Variants in SLC37A1 observed in about 807,000 individuals in gnomAD.
SLC37A1 encodes the protein glucose-6-phosphate exchanger SLC37A1.
SLC37A1 carries 49 observed loss-of-function variants against 75.3 expected under a neutral mutation model. That is an observed-to-expected ratio of 0.65 (90% CI 0.52 to 0.83). The LOEUF is 0.83. Among genes scored for constraint, SLC37A1 ranks in the 40% least tolerant of loss-of-function variants. The pLI is 0.00. For missense variants in SLC37A1, 566 were observed against 695.0 expected, an observed-to-expected ratio of 0.81 and a Z score of 2.09; for synonymous variants, 268 against 292.1, an observed-to-expected ratio of 0.92 and a Z score of 0.84.
rs2146936525 is a variant in SLC37A1 at position 42,552,422 on chromosome 21, T to C, written c.769-1640T>C. On this transcript the variant is annotated intron_variant, in intron 9 of 19. Coordinates refer to ENST00000352133, the MANE Select transcript of SLC37A1 (RefSeq NM_001320537.2). This position sits in a 1 kb window ranked among gnomAD's most constrained non-coding sequence, Gnocchi z 4.2. ...TCTGGAGAGAGCCAGCCCAGGATGATGTGGGGTGTGCGTGTTGAGTGTCAG... is the reference window on the plus strand; with the variant it reads ...TCTGGAGAGAGCCAGCCCAGGATGACGTGGGGTGTGCGTGTTGAGTGTCAG... Among the ~76,000 whole-genome samples the C allele has an allele frequency of 6.6e-6, 1 of 152,322 alleles. No individual in the cohort carries two copies. The highest frequency in any genetic ancestry group is 1.9e-4 in the East Asian group (1 of 5,192).
intron 17 of SLC37A1, among the ~76,000 whole-genome samples, chr21:42,574,234 C>T (rs567958734): frequency 6.6e-6 from 1 of 152,318 alleles, no homozygotes; most frequent in Admixed American, 6.5e-5. Flanking sequence ...AATTCTTATT[C>T]AAATTTTACC....
chr21:42,565,792 G>A (rs565399635), intron 14 of SLC37A1, 35 bp from the exon 15 acceptor site: 4 of 1,603,694 alleles, frequency 2.5e-6, no homozygotes, highest in South Asian at 1.1e-5. Flanking sequence ...CTTGCAGCCA[G>A]CCATGGCTTT....
intron 3 of SLC37A1, among the ~76,000 whole-genome samples, chr21:42,527,738 C>T (rs1227565749): frequency 1.3e-5 from 2 of 152,190 alleles, no homozygotes; most frequent in Non-Finnish European, 2.9e-5. Context: ...TACCTGAGTA[C>T]AGTCCCAGCA....
chr21:42,523,075 G>T (rs1174690637), intron 2 of SLC37A1, among the ~76,000 whole-genome samples: 2 of 152,242 alleles, frequency 1.3e-5, no homozygotes, highest in Admixed American at 1.3e-4. Context: ...GGGCTGTCTG[G>T]GTGGAGAGTG....
chr21:42,513,364 C>A (rs1247395564), upstream of SLC37A1, among the ~76,000 whole-genome samples: 6 of 152,246 alleles, frequency 3.9e-5, no homozygotes, highest in Admixed American at 1.3e-4. Context: ...ATAGCCAAAT[C>A]CGCGTGCCGC....
chr21:42,548,937 GAA>G lies in SLC37A1; in HGVS notation c.768+1798_768+1799del, dbSNP rs749480505. ...CTCCTGGGTGTGATTCATATGGAAAGAAGGGTTCTGATACTTGATGACAAAAA... is the reference window on the plus strand; with the variant it reads ...CTCCTGGGTGTGATTCATATGGAAAGGGGTTCTGATACTTGATGACAAAAA... On this transcript the variant is annotated intron_variant, in intron 9 of 19. Transcript: ENST00000352133. This position sits in a 1 kb window ranked among gnomAD's most constrained non-coding sequence, Gnocchi z 5.6. 1.3e-5 allele frequency among the ~76,000 whole-genome samples: 2 copies of G among 152,182 alleles called. No individual in the cohort carries two copies. Among genetic ancestry groups the G allele is most frequent in the Admixed American group, 6.6e-5 (1 of 15,260 alleles).
In SLC37A1 at chr21:42,542,349, C is replaced by T. The variant is rs561955322; in HGVS notation, c.487-55C>T. 3.9e-5 allele frequency: 60 copies of T among 1,538,464 alleles called. No homozygotes were observed. The South Asian group carries it at 6.6e-4, about 17-fold the overall frequency. On this transcript the variant is annotated intron_variant, in intron 6 of 19. Coordinates refer to ENST00000352133, the MANE Select transcript of SLC37A1 (RefSeq NM_001320537.2). Reference sequence around the variant, plus strand: ...GCAAGCTCTGTGCACCTCCCTGCAGCGCTGTCCCGGGCCTGCTTCCCACAG... The same window carrying T: ...GCAAGCTCTGTGCACCTCCCTGCAGTGCTGTCCCGGGCCTGCTTCCCACAG...
intron 2 of SLC37A1, among the ~76,000 whole-genome samples, chr21:42,520,724 C>A (rs1051951016): frequency 6.6e-6 from 1 of 152,112 alleles, no homozygotes; most frequent in Non-Finnish European, 1.5e-5. Flanking sequence ...AGTGAGCACA[C>A]TTTGGTCCGG....
At chr21:42,566,905 C>T (rs1003691924) in intron 15 of SLC37A1, 80 bp from the exon 16 acceptor site, 20 of 1,437,012 alleles carry the variant, frequency 1.4e-5, no homozygotes, top group Non-Finnish European at 1.7e-5. Context: ...GCTCCCCAGG[C>T]GCCCACCTCA....
rs370884426 is a variant in SLC37A1 at position 42,552,766 on chromosome 21, G to A, written c.769-1296G>A. Among the ~76,000 whole-genome samples the A allele has an allele frequency of 9.2e-5, 14 of 152,294 alleles. 3 individuals carry two copies. The highest frequency in any genetic ancestry group is 1.9e-4 in the East Asian group (1 of 5,186). On this transcript the variant is annotated intron_variant, in intron 9 of 19. Coordinates refer to ENST00000352133, the MANE Select transcript of SLC37A1 (RefSeq NM_001320537.2). The surrounding 1 kb of genome is among the most constrained non-coding windows in gnomAD (Gnocchi z 4.2). ...AGGAATTTTAAGATAGGCTTTGCCT[G>A]AGCACCCACGTTCCTGGCTGAAAAG...
rs777659037 is a variant in SLC37A1, at chr21:42,539,557, C to T, written c.396C>T (p.Phe132=). 5.6e-6 allele frequency: 9 copies of T among 1,613,838 alleles called. No individual in the cohort carries two copies. Among genetic ancestry groups the T allele is most frequent in the Admixed American group, 3.3e-5 (2 of 59,966 alleles). ...TGCCGATTAGGTATTACCTAACTTT[C>T]GGGATGCTCGCCAGCGGAGCCTTCA... ...ERLPIRYYLT[F]GMLASGAFTA... The change falls in exon 6 of 20, where the codon TTC becomes TTT. Residue 132 remains phenylalanine (F), a synonymous_variant. Coordinates refer to ENST00000352133, the MANE Select transcript of SLC37A1 (RefSeq NM_001320537.2).
chr21:42,548,491 G>A lies in SLC37A1; in HGVS notation c.768+1351G>A, dbSNP rs1249469277. ...CCTTCAGCCCCGCACCCCATCCTTG[G>A]CCATGTTCTGTCAGTTCTGCTCTGT... is the stretch of plus-strand genomic sequence containing the variant. On this transcript the variant is annotated intron_variant, in intron 9 of 19. Coordinates refer to ENST00000352133, the MANE Select transcript of SLC37A1 (RefSeq NM_001320537.2). This position sits in a 1 kb window ranked among gnomAD's most constrained non-coding sequence, Gnocchi z 5.6. Among the ~76,000 whole-genome samples, 2 of 151,998 alleles carry A rather than the reference G, an allele frequency of 1.3e-5. No homozygotes were observed. The highest frequency in any genetic ancestry group is 4.8e-5 in the African/African-American group (2 of 41,352).
At chr21:42,580,280 T>G in intron 19 of SLC37A1, 65 bp from the exon 20 acceptor site, 1 of 1,572,530 alleles carries the variant, frequency 6.4e-7, no homozygotes, top group Non-Finnish European at 8.7e-7. Flanking sequence ...GTGTGTGAAG[T>G]TCAGCATCTC....
intron 17 of SLC37A1, among the ~76,000 whole-genome samples, chr21:42,570,986 C>T (rs1006481494): frequency 3.3e-5 from 5 of 152,226 alleles, no homozygotes; most frequent in African/African-American, 9.6e-5. Flanking sequence ...ATGGCTGCTG[C>T]GTTACACCAG....
At chr21:42,550,340 T>C in intron 9 of SLC37A1, among the ~76,000 whole-genome samples, 1 of 152,018 alleles carries the variant, frequency 6.6e-6, no homozygotes, top group East Asian at 1.9e-4. Flanking sequence ...TGCCAACCAA[T>C]TAGAAAACTT....
chr21:42,530,654 A>ACACACACACACCCCCC lies in SLC37A1; in HGVS notation c.139-4043_139-4042insACACACACACCCCCCC, dbSNP rs1161313598. The stretch of plus-strand genomic sequence containing the variant: ...CACACACACACACACACACACACAC[A>ACACACACACACCCCCC]CCCCCTCTGTGTTGGCTGAAGGTGG... On this transcript the variant is annotated intron_variant, in intron 3 of 19. Transcript: ENST00000352133. Among the ~76,000 whole-genome samples, 19 of 35,898 alleles carry ACACACACACACCCCCC rather than the reference A, an allele frequency of 5.3e-4. 1 individual carries two copies. The highest frequency in any genetic ancestry group is 9.4e-4 in the Non-Finnish European group (18 of 19,108). 23.6% of individuals were successfully genotyped at this position (35,898 alleles called of 152,430 possible). A position where few individuals can be genotyped will look rare whatever the true frequency, so the allele number is the denominator to read the frequency against.
chr21:42,569,564 T>TGCCGC (rs1275513726), intron 17 of SLC37A1, among the ~76,000 whole-genome samples: 1 of 145,552 alleles, frequency 6.9e-6, no homozygotes, highest in East Asian at 2.1e-4. Flanking sequence ...CACTCCCTCG[T>TGCCGC]GCCTTGAGTC....
At chr21:42,570,461 G>A (rs980767791) in intron 17 of SLC37A1, among the ~76,000 whole-genome samples, 4 of 152,172 alleles carry the variant, frequency 2.6e-5, no homozygotes, top group Admixed American at 1.3e-4. Context: ...ATTGGGTGGC[G>A]GCAGTAGTCA....
At chr21:42,554,851 G>A (rs113143962) in intron 10 of SLC37A1, among the ~76,000 whole-genome samples, 14,228 of 152,166 alleles carry the variant, frequency 0.094, 736 homozygotes, top group Middle Eastern at 0.12. Context: ...TCCTTGTAGA[G>A]GCTCCTCACA....
Sources: allele counts gnomAD v4.1 joint callset (sites outside exome capture counted in the v4.1 genomes callset), GRCh38; gene constraint gnomAD v4.1.1; non-coding constraint Gnocchi (gnomAD v3.1); transcripts MANE v1.5; gene names NCBI Gene and HGNC (gene_info 2026-07-23, HGNC 2026-07-21).